The following ABCA6 variants were observed in gnomAD, a reference collection of about 807,000 sequenced individuals.
ABCA6 encodes the protein ATP-binding cassette sub-family A member 6.
A neutral mutation model predicts 191.2 loss-of-function variants in ABCA6; 164 were observed. The observed-to-expected ratio is 0.86, with a 90% CI of 0.76 to 0.98. ABCA6 has a LOEUF of 0.98. ABCA6 is among the 50% of genes least tolerant of loss of function. ABCA6 has a pLI of 0.00. For synonymous variants in ABCA6, 636 were observed against 647.7 expected (o/e 0.98, Z 0.27); for missense variants, 1,958 against 1,894.1 (o/e 1.03, Z -0.63).
intron 5 of ABCA6, 88 bp from the exon 6 acceptor site, chr17:69,133,955 C>T (rs374521185): frequency 4.3e-5 from 40 of 938,638 alleles, no homozygotes; most frequent in South Asian, 2.8e-4. Context: ...TTACTTATGT[C>T]GGTTCTCCAA....
rs1357579656 is a variant in ABCA6, at chr17:69,096,226, T to G, written c.3408+14A>C. ...ATAACACTATTTCTCTATTTGTATG[T>G]ATTATATACTTACAAAAAAGAAGTA... On this transcript the variant is annotated intron_variant, in intron 25 of 38. Coordinates refer to ENST00000284425, the MANE Select transcript of ABCA6 (RefSeq NM_080284.3). The G allele has an allele frequency of 7.8e-7, 1 of 1,279,984 alleles. No individual in the cohort carries two copies. Among genetic ancestry groups the G allele is most frequent in the East Asian group, 2.4e-5 (1 of 41,318 alleles). 79.3% of individuals were successfully genotyped at this position (1,279,984 alleles called of 1,614,324 possible). A position where few individuals can be genotyped will look rare whatever the true frequency, so the allele number is the denominator to read the frequency against.
chr17:69,129,507 G>A, intron 7 of ABCA6, 103 bp downstream of exon 7: 1 of 967,804 alleles, frequency 1.0e-6, no homozygotes, highest in South Asian at 1.7e-5. Context: ...CACACACAAT[G>A]GACATGAAAG....
intron 10 of ABCA6, among the ~76,000 whole-genome samples, chr17:69,120,060 G>A (rs989025911): frequency 1.3e-5 from 2 of 151,966 alleles, no homozygotes; most frequent in Admixed American, 1.3e-4. Flanking sequence ...AAAACACACA[G>A]AGCTATATCA....
At chr17:69,121,926 CCT>C (rs2073654752) in intron 10 of ABCA6, among the ~76,000 whole-genome samples, 1 of 151,892 alleles carries the variant, frequency 6.6e-6, no homozygotes, top group South Asian at 2.1e-4. Flanking sequence ...CGCTGTTGCC[CCT>C]CTCAGAAAAC....
intron 22 of ABCA6, among the ~76,000 whole-genome samples, chr17:69,099,120 C>T (rs1375680566): frequency 6.6e-6 from 1 of 151,694 alleles, no homozygotes; most frequent in East Asian, 2.0e-4. Flanking sequence ...TGCTGCTTGT[C>T]TTAACTTCAG....
chr17:69,132,979 C>T (rs566517422), intron 6 of ABCA6, among the ~76,000 whole-genome samples: 32 of 152,196 alleles, frequency 2.1e-4, no homozygotes, highest in African/African-American at 5.5e-4. Context: ...TATGTGTACA[C>T]GCACTCATGA....
chr17:69,113,532 A>G (rs7504026), intron 14 of ABCA6, 86 bp downstream of exon 14: 778,427 of 1,594,686 alleles, frequency 0.49, 194,941 homozygotes, highest in Non-Finnish European at 0.52. Flanking sequence ...CATTACAATG[A>G]AAGCTCTACC....
intron 6 of ABCA6, among the ~76,000 whole-genome samples, chr17:69,132,449 G>GTTTTGT (rs747562609): frequency 1.1e-4 from 17 of 151,944 alleles, no homozygotes; most frequent in African/African-American, 4.1e-4. Context: ...TTTGCTAGGT[G>GTTTTGT]TTTTGTTTTT....
At chr17:69,118,137 GAAA>G in intron 10 of ABCA6, 181 bp from the exon 11 acceptor site, 1 of 449,782 alleles carries the variant, frequency 2.2e-6, no homozygotes, top group Non-Finnish European at 4.0e-6. Flanking sequence ...CCCTGAGGTA[GAAA>G]ATAGAGGAGT....
chr17:69,136,115 G>A lies in ABCA6; in HGVS notation c.437C>T (p.Pro146Leu). The A allele has an allele frequency of 6.2e-7, 1 of 1,609,948 alleles. No individual in the cohort carries two copies. The highest frequency in any genetic ancestry group is 8.5e-7 in the Non-Finnish European group (1 of 1,177,692). ...ACCTGAGAAATCTTCTTTCCAAAGT[G>A]GACTGTTATATCCCTGGAAAAATAT... is the stretch of plus-strand genomic sequence containing the variant. ...KLIFFQGYNS[P>L]LWKEDFSAHC... The change falls in exon 4 of 39, where the codon CCA (proline) becomes CTA (leucine). Residue 146 changes from proline to leucine, a missense_variant. By Grantham distance (98) the Pro-to-Leu change is moderately conservative (BLOSUM62 -3). Coordinates refer to ENST00000284425, the MANE Select transcript of ABCA6 (RefSeq NM_080284.3).
rs1343368627 is a variant in ABCA6 at position 69,084,478 on chromosome 17, T to G, written c.4214A>C (p.Gln1405Pro). The change falls in exon 33 of 39, where the codon CAG (glutamine) becomes CCG (proline). Residue 1405 changes from glutamine to proline, a missense_variant. Transcript: ENST00000284425. ...TAATTTCTGCACAGGAACATTCAGC[T>G]GCTCATGCAGTTTGAAAGCACTCAC... ...RLVSAFKLHE[Q>P]LNVPVQKLTA... 3 of 1,614,056 alleles carry G rather than the reference T, an allele frequency of 1.9e-6. No homozygotes were observed. Among genetic ancestry groups the G allele is most frequent in the East Asian group, 4.5e-5 (2 of 44,890 alleles).
At chr17:69,130,767 A>G (rs7216483) in intron 6 of ABCA6, among the ~76,000 whole-genome samples, 14,836 of 152,140 alleles carry the variant, frequency 0.098, 2,453 homozygotes, top group African/African-American at 0.34. Flanking sequence ...AACTCTATAA[A>G]CACTGGGGCA....
At chr17:69,101,701 C>T (rs1486082313) in intron 21 of ABCA6, among the ~76,000 whole-genome samples, 1 of 151,854 alleles carries the variant, frequency 6.6e-6, no homozygotes, top group Admixed American at 6.6e-5. Context: ...GCCAAAGAAG[C>T]ATTTCCCCAC....
chr17:69,091,992 C>CCAGACT (rs1162392933), intron 25 of ABCA6, among the ~76,000 whole-genome samples: 2 of 152,184 alleles, frequency 1.3e-5, no homozygotes, highest in African/African-American at 4.8e-5. Context: ...TGTCTCTCAA[C>CCAGACT]CAGACTACTG....
chr17:69,109,143 A>C (rs966011602), intron 17 of ABCA6: 1 of 152,126 alleles, frequency 6.6e-6, no homozygotes, highest in African/African-American at 2.4e-5. Flanking sequence ...ATGAAACCGA[A>C]TTATGCAAAA....
chr17:69,127,153 G>C (rs1191919192), intron 8 of ABCA6, among the ~76,000 whole-genome samples: 3 of 152,060 alleles, frequency 2.0e-5, no homozygotes, highest in Non-Finnish European at 4.4e-5. Context: ...CACTGAAGTG[G>C]ATTTTTATCT....
chr17:69,105,228 G>A (rs2073269661), intron 20 of ABCA6: 4 of 462,692 alleles, frequency 8.6e-6, no homozygotes, highest in Admixed American at 8.3e-5. Context: ...GTAGAGAGAC[G>A]TCTTTACTCT....
chr17:69,119,727 CACATAT>C (rs1373573150), intron 10 of ABCA6, among the ~76,000 whole-genome samples: 4 of 152,030 alleles, frequency 2.6e-5, no homozygotes, highest in Admixed American at 2.6e-4. Flanking sequence ...GTGTGTCATA[CACATAT>C]ACATATATAC....
intron 11 of ABCA6, among the ~76,000 whole-genome samples, chr17:69,117,403 G>A (rs1376518220): frequency 1.3e-5 from 2 of 152,000 alleles, no homozygotes; most frequent in Middle Eastern, 3.2e-3. Flanking sequence ...AAAACTGTAT[G>A]TTAGAATATT....
Sources: gnomAD v4.1 joint callset for allele counts (sites outside exome capture counted in the v4.1 genomes callset) on GRCh38, gnomAD v4.1.1 for gene constraint, MANE v1.5 for transcripts, NCBI Gene and HGNC (gene_info 2026-07-23, HGNC 2026-07-21) for gene names.